MCPH1: variants seen among roughly 807,000 people sequenced by gnomAD.
MCPH1 encodes microcephalin.
A neutral mutation model predicts 84.5 loss-of-function variants in MCPH1; 104 were observed. The observed-to-expected ratio is 1.23, with a 90% CI of 1.05 to 1.45. MCPH1 has a LOEUF of 1.45. Among genes scored for constraint, MCPH1 ranks in the 40% most tolerant of loss-of-function variants. The pLI is 0.00. For missense variants in MCPH1, 1,498 were observed against 1,005.7 expected, an observed-to-expected ratio of 1.49 and a Z score of -6.62; for synonymous variants, 514 against 366.8, an observed-to-expected ratio of 1.40 and a Z score of -4.58.
intron 11 of MCPH1, among the ~76,000 whole-genome samples, chr8:6,499,100 A>T (rs1811658469): frequency 6.6e-6 from 1 of 150,626 alleles, no homozygotes; most frequent in African/African-American, 2.4e-5. Context: ...ATAAATAAAT[A>T]AAATAAACAT....
chr8:6,624,363 C>T (rs1350352006), intron 13 of MCPH1, among the ~76,000 whole-genome samples: 1 of 152,246 alleles, frequency 6.6e-6, no homozygotes, highest in African/African-American at 2.4e-5. Context: ...CCATGTGAGA[C>T]AGGTCCCCTC....
At chr8:6,626,526 C>G in intron 13 of MCPH1, 1 of 958,456 alleles carries the variant, frequency 1.0e-6, no homozygotes, top group Non-Finnish European at 1.2e-6. Flanking sequence ...GGTGGTTGAA[C>G]ATGGATAAAA....
At position 6,609,159 on chromosome 8, in the gene MCPH1, G is replaced by C. The variant is rs148056068; in HGVS notation, c.2215-12295G>C. Among the ~76,000 whole-genome samples, 727 of 151,960 alleles carry C rather than the reference G, an allele frequency of 4.8e-3. 9 individuals carry two copies. Among genetic ancestry groups the C allele is most frequent in the African/African-American group, 0.016 (665 of 41,352 alleles). Reference sequence around the variant, plus strand: ...GATGAAATCAAAGTTTCTATAAGTTGTGTAGTTCTTTCCCTGTGCATTTTA... The same window carrying C: ...GATGAAATCAAAGTTTCTATAAGTTCTGTAGTTCTTTCCCTGTGCATTTTA... On this transcript the variant is annotated intron_variant, in intron 12 of 13. Coordinates refer to ENST00000344683, the MANE Select transcript of MCPH1 (RefSeq NM_024596.5).
chr8:6,490,568 T>C (rs1414359059), intron 11 of MCPH1, among the ~76,000 whole-genome samples: 2 of 152,180 alleles, frequency 1.3e-5, no homozygotes, highest in Admixed American at 6.5e-5. Context: ...AATACTAGAT[T>C]TTAGGAAACT....
In MCPH1 at chr8:6,444,392, G is replaced by T. The variant is rs1270789019; in HGVS notation, c.671-1G>T. ...GTTAGCTCTCCGTTAATGTTTTCCA[G>T]ATGAATACTTTGCTGGTGGCTTACA... On this transcript the variant is annotated splice_acceptor_variant, in intron 7 of 13. Coordinates refer to ENST00000344683, the MANE Select transcript of MCPH1 (RefSeq NM_024596.5). LOFTEE classifies it high-confidence loss of function. The T allele has an allele frequency of 6.2e-7, 1 of 1,614,048 alleles. No homozygotes were observed. Among genetic ancestry groups the T allele is most frequent in the South Asian group, 1.1e-5 (1 of 91,020 alleles).
At chr8:6,626,953 G>GA in intron 13 of MCPH1, 1 of 983,336 alleles carries the variant, frequency 1.0e-6, no homozygotes, top group Non-Finnish European at 1.2e-6. Context: ...GCTATTGTGG[G>GA]AACATAATGT....
intron 12 of MCPH1, chr8:6,617,032 GC>G (rs957793615): frequency 4.6e-5 from 7 of 152,046 alleles, no homozygotes; most frequent in African/African-American, 1.4e-4. Context: ...CAATGCAAAC[GC>G]GCTTGTCTGT....
chr8:6,438,030 T>G (rs1269314018), intron 5 of MCPH1, among the ~76,000 whole-genome samples: 1 of 152,216 alleles, frequency 6.6e-6, no homozygotes, highest in Admixed American at 6.5e-5. Context: ...TAAAATCCTG[T>G]ATTTAACATA....
intron 3 of MCPH1, among the ~76,000 whole-genome samples, chr8:6,418,950 G>C (rs1799724141): frequency 6.6e-6 from 1 of 152,016 alleles, no homozygotes. Flanking sequence ...TTCTGGCTTG[G>C]CCTTTTCAAC....
intron 12 of MCPH1, chr8:6,562,946 T>G (rs1225280979): frequency 6.4e-7 from 1 of 1,571,008 alleles, no homozygotes; most frequent in South Asian, 1.2e-5. Flanking sequence ...CTTTCTTCAG[T>G]AATAAACCAG....
At chr8:6,526,904 G>C (rs1001870311) in intron 12 of MCPH1, among the ~76,000 whole-genome samples, 4 of 151,996 alleles carry the variant, frequency 2.6e-5, no homozygotes, top group African/African-American at 9.7e-5. Flanking sequence ...TGTTGATCTT[G>C]AGATTTTTCT....
Position 6,632,470 on chromosome 8 carries a change from A to G in MCPH1, c.2453-10524A>G, listed in dbSNP as rs79704138. 4.2e-3 allele frequency among the ~76,000 whole-genome samples: 634 copies of G among 152,320 alleles called. 5 individuals are homozygous for G. Among genetic ancestry groups the G allele is most frequent in the African/African-American group, 0.015 (604 of 41,562 alleles). ...CACCTCATTTTACAAGGCTACATTGATCTTGACCTAATACTGGTTTAAAAA... is the reference window on the plus strand; with the variant it reads ...CACCTCATTTTACAAGGCTACATTGGTCTTGACCTAATACTGGTTTAAAAA... On this transcript the variant is annotated intron_variant, in intron 13 of 13. Transcript: ENST00000344683.
chr8:6,456,279 C>T (rs530213392), intron 9 of MCPH1, among the ~76,000 whole-genome samples: 10 of 152,166 alleles, frequency 6.6e-5, no homozygotes, highest in Admixed American at 1.3e-4. Flanking sequence ...ACCAAGGCAC[C>T]TGCTCTACAA....
intron 12 of MCPH1, chr8:6,521,138 A>C (rs373586714): frequency 6.4e-7 from 1 of 1,553,430 alleles, no homozygotes; most frequent in African/African-American, 1.4e-5. Flanking sequence ...TACTGACTAA[A>C]GGTTATTAAC....
At chr8:6,640,438 A>G (rs1797869006) in intron 13 of MCPH1, among the ~76,000 whole-genome samples, 1 of 152,196 alleles carries the variant, frequency 6.6e-6, no homozygotes, top group Admixed American at 6.5e-5. Flanking sequence ...ATTAATTTCT[A>G]ATTGCCTGAT....
intron 13 of MCPH1, among the ~76,000 whole-genome samples, chr8:6,639,849 G>A (rs1232766519): frequency 1.3e-5 from 2 of 152,006 alleles, no homozygotes; most frequent in African/African-American, 2.4e-5. Context: ...TTAACCATTG[G>A]GAGGTACTGT....
intron 12 of MCPH1, among the ~76,000 whole-genome samples, chr8:6,548,507 C>G (rs961575850): frequency 2.0e-5 from 3 of 152,158 alleles, no homozygotes; most frequent in African/African-American, 7.2e-5. Context: ...TTGCAGCTTA[C>G]TTGCATTTCA....
At chr8:6,618,272 C>G (rs1483722975) in intron 12 of MCPH1, among the ~76,000 whole-genome samples, 2 of 152,240 alleles carry the variant, frequency 1.3e-5, no homozygotes, top group Admixed American at 6.5e-5. Flanking sequence ...CTAATATTTG[C>G]AGCTTAGAAT....
chr8:6,406,816 C>A, intron 1 of MCPH1, 127 bp downstream of exon 1: 1 of 1,018,318 alleles, frequency 9.8e-7, no homozygotes. Flanking sequence ...CTGTCTCCCC[C>A]AGACCCCCTG....
Sources: gnomAD v4.1 joint callset for allele counts (sites outside exome capture counted in the v4.1 genomes callset) on GRCh38, gnomAD v4.1.1 for gene constraint, MANE v1.5 for transcripts, NCBI Gene and HGNC (gene_info 2026-07-23, HGNC 2026-07-21) for gene names.